The following GOLGA4 variants were observed in gnomAD, a reference collection of about 807,000 sequenced individuals.
GOLGA4 encodes golgin A4.
In GOLGA4, 169 loss-of-function variants were observed where a neutral mutation model predicts 265.9. The observed-to-expected ratio is 0.64, with a 90% confidence interval of 0.56 to 0.72. GOLGA4 has a LOEUF of 0.72. Ranked by LOEUF, GOLGA4 falls within the 30% of genes least tolerant of loss-of-function variation. GOLGA4 has a pLI of 0.00. For synonymous variants in GOLGA4, 923 were observed against 855.8 expected (o/e 1.08, Z -1.37); for missense variants, 2,482 against 2,483.4 (o/e 1.00, Z 0.01).
intron 1 of GOLGA4, among the ~76,000 whole-genome samples, chr3:37,245,747 T>A (rs965495916): frequency 6.6e-6 from 1 of 152,046 alleles, no homozygotes; most frequent in African/African-American, 2.4e-5. Context: ...TCCTTTTGGA[T>A]TATATGTATA....
In GOLGA4 at chr3:37,251,459, TTGA is replaced by T. The variant is rs745371738; in HGVS notation, c.141_143del (p.Asp47del). Reference sequence around the variant, plus strand: ...AGGACATCTTCATTTACAGAGCAACTTGATGAAGGTACACCCAATAGAGAGGTA... The same window carrying T: ...AGGACATCTTCATTTACAGAGCAACTTGAAGGTACACCCAATAGAGAGGTA... On this transcript the variant is annotated inframe_deletion, in exon 2 of 24. Coordinates refer to ENST00000361924, the MANE Select transcript of GOLGA4 (RefSeq NM_002078.5). 122 of 1,609,276 alleles carry T rather than the reference TTGA, an allele frequency of 7.6e-5. No homozygotes were observed. Among genetic ancestry groups the T allele is most frequent in the Non-Finnish European group, 9.7e-5 (114 of 1,175,714 alleles).
intron 10 of GOLGA4, among the ~76,000 whole-genome samples, chr3:37,305,337 T>C (rs2150885987): frequency 6.6e-6 from 1 of 152,366 alleles, no homozygotes; most frequent in East Asian, 1.9e-4. Flanking sequence ...AGGGCTATGA[T>C]GCAAAGTTGT....
intron 7 of GOLGA4, among the ~76,000 whole-genome samples, chr3:37,296,584 A>T (rs902772245): frequency 2.0e-5 from 3 of 151,988 alleles, no homozygotes; most frequent in Non-Finnish European, 4.4e-5. Context: ...TTTGCTTGTT[A>T]GTTTGAGATG....
At chr3:37,252,069 C>T (rs2096735434) in intron 2 of GOLGA4, among the ~76,000 whole-genome samples, 1 of 152,124 alleles carries the variant, frequency 6.6e-6, no homozygotes, top group Non-Finnish European at 1.5e-5. Flanking sequence ...TGAGTGGAAA[C>T]TGAGAAGTAA....
chr3:37,345,635 G>A (rs2097053772), intron 20 of GOLGA4, among the ~76,000 whole-genome samples: 3 of 152,182 alleles, frequency 2.0e-5, no homozygotes, highest in Non-Finnish European at 4.4e-5. Flanking sequence ...TTTGGGAGAA[G>A]TCAAGAAGAG....
chr3:37,335,046 C>A lies in GOLGA4; in HGVS notation c.6193-7C>A. 4 of 1,481,886 alleles carry A rather than the reference C, an allele frequency of 2.7e-6. No individual in the cohort carries two copies. Among genetic ancestry groups the A allele is most frequent in the Non-Finnish European group, 3.7e-6 (4 of 1,084,886 alleles). 91.8% of individuals were successfully genotyped at this position (1,481,886 alleles called of 1,614,324 possible). ...TTCCTTTTTTTCTTTTTTTTTAAAT[C>A]CTAAAGGCTCGTGAAGAAGAAATGA... is the stretch of plus-strand genomic sequence containing the variant. On this transcript the variant is annotated splice_region_variant and splice_polypyrimidine_tract_variant and intron_variant, in intron 16 of 23. Coordinates refer to ENST00000361924, the MANE Select transcript of GOLGA4 (RefSeq NM_002078.5).
chr3:37,301,792 T>C (rs1434493962), intron 9 of GOLGA4, among the ~76,000 whole-genome samples: 1 of 152,124 alleles, frequency 6.6e-6, no homozygotes, highest in African/African-American at 2.4e-5. Context: ...GTTTTTTAAT[T>C]TTTAATTTTT....
At chr3:37,270,701 A>G (rs1336529320) in intron 2 of GOLGA4, among the ~76,000 whole-genome samples, 2 of 151,968 alleles carry the variant, frequency 1.3e-5, no homozygotes, top group African/African-American at 2.4e-5. Flanking sequence ...GATCTCTGTA[A>G]AGTATATTTT....
chr3:37,351,091 C>G (rs1396194227), intron 21 of GOLGA4, among the ~76,000 whole-genome samples: 1 of 152,094 alleles, frequency 6.6e-6, no homozygotes, highest in Non-Finnish European at 1.5e-5. Flanking sequence ...GGTCAGTTCT[C>G]TCAAAATTGC....
intron 10 of GOLGA4, among the ~76,000 whole-genome samples, chr3:37,312,304 A>G (rs910008672): frequency 1.3e-5 from 2 of 152,214 alleles, no homozygotes; most frequent in African/African-American, 4.8e-5. Flanking sequence ...CTTTCCCATA[A>G]TTAGTCACTT....
At position 37,323,851 on chromosome 3, in the gene GOLGA4, A is replaced by C. The variant is rs2096962060; in HGVS notation, c.1965A>C (p.Thr655=). The C allele has an allele frequency of 1.2e-6, 2 of 1,610,562 alleles. No individual in the cohort carries two copies. The highest frequency in any genetic ancestry group is 2.2e-5 in the South Asian group (2 of 89,956). ...AAAAGTGTGAACAAGAAAAAGAAAC[A>C]TTGTTGAAAGACAAAGAGATTATCT... ...LREKCEQEKE[T]LLKDKEIIFQ... The change falls in exon 14 of 24, where the codon ACA becomes ACC. Residue 655 remains threonine, a synonymous_variant. Transcript: ENST00000361924.
intron 10 of GOLGA4, among the ~76,000 whole-genome samples, chr3:37,309,430 C>T (rs2096917043): frequency 6.7e-6 from 1 of 150,186 alleles, no homozygotes; most frequent in South Asian, 2.1e-4. Flanking sequence ...TGGCACACGC[C>T]TGTAATCCCA....
At chr3:37,329,213 TCAA>T in intron 16 of GOLGA4, 120 bp downstream of exon 16, 1 of 710,530 alleles carries the variant, frequency 1.4e-6, no homozygotes, top group Non-Finnish European at 2.3e-6. Context: ...TTTTTTTGAC[TCAA>T]TATTATTCAA....
intron 16 of GOLGA4, among the ~76,000 whole-genome samples, chr3:37,334,754 G>A (rs562108183): frequency 1.3e-5 from 2 of 152,228 alleles, no homozygotes; most frequent in Non-Finnish European, 2.9e-5. Flanking sequence ...TAAACAGCTT[G>A]ATGAGCTTTT....
At position 37,324,404 on chromosome 3, in the gene GOLGA4, A is replaced by C. The variant is rs1351924629; in HGVS notation, c.2518A>C (p.Lys840Gln). Residue 840 changes from lysine to glutamine, a missense_variant, in exon 14 of 24, where the codon AAA becomes CAA. Coordinates refer to ENST00000361924, the MANE Select transcript of GOLGA4 (RefSeq NM_002078.5). ...GGAAACAGAAAGAATTCTTCTTACC[A>C]AACAGGTTGCTGAAGTTGAAGCACA... ...DLETERILLT[K>Q]QVAEVEAQKK... 4 of 1,614,108 alleles carry C rather than the reference A, an allele frequency of 2.5e-6. No individual in the cohort carries two copies.
chr3:37,275,802 C>T lies in GOLGA4; in HGVS notation c.163-6156C>T. On this transcript the variant is annotated intron_variant, in intron 2 of 23. Coordinates refer to ENST00000361924, the MANE Select transcript of GOLGA4 (RefSeq NM_002078.5). ...AAGGAGCTTAAGAATATTCCTATGA[C>T]CCTGGAATTACTGCAGTCCACAAGA... The T allele has an allele frequency of 4.3e-6, 7 of 1,613,616 alleles. No individual in the cohort carries two copies. The South Asian group carries it at 5.5e-5, about 13-fold the overall frequency.
intron 6 of GOLGA4, 136 bp from the exon 7 acceptor site, chr3:37,295,951 A>G (rs2096877058): frequency 2.9e-6 from 2 of 693,240 alleles, no homozygotes; most frequent in African/African-American, 1.8e-5. Context: ...ACCATTTTAT[A>G]TAATGGACTT....
intron 20 of GOLGA4, among the ~76,000 whole-genome samples, chr3:37,346,541 T>C (rs2097056944): frequency 6.6e-6 from 1 of 152,128 alleles, no homozygotes; most frequent in South Asian, 2.1e-4. Context: ...CATTATATCT[T>C]TATGTCACAG....
chr3:37,330,163 G>A (rs888387830), intron 16 of GOLGA4, among the ~76,000 whole-genome samples: 1 of 151,088 alleles, frequency 6.6e-6, no homozygotes, highest in African/African-American at 2.4e-5. Flanking sequence ...CCTAGAGAGT[G>A]TTGGAAGATA....
Sources: gnomAD v4.1 joint callset for allele counts (sites outside exome capture counted in the v4.1 genomes callset) on GRCh38, gnomAD v4.1.1 for gene constraint, MANE v1.5 for transcripts, NCBI Gene and HGNC (gene_info 2026-07-23, HGNC 2026-07-21) for gene names.